Variants in TNRC6B observed in about 807,000 individuals in gnomAD.
TNRC6B encodes trinucleotide repeat containing adaptor 6B, also known as trinucleotide repeat-containing gene 6B protein.
TNRC6B carries 52 observed loss-of-function variants against 203.6 expected under a neutral mutation model. That is an observed-to-expected ratio of 0.26 (90% CI 0.20 to 0.32). The LOEUF (loss-of-function observed/expected upper bound fraction) is 0.32. Among genes scored for constraint, TNRC6B ranks in the 10% least tolerant of loss-of-function variants. The pLI is 1.00. For missense variants in TNRC6B, 1,923 were observed against 2,286.2 expected (o/e 0.84, Z 3.24); for synonymous variants, 838 against 845.7 (o/e 0.99, Z 0.16).
chr22:40,064,517 A>G (rs1392584708), intron 1 of TNRC6B, among the ~76,000 whole-genome samples: 1 of 147,322 alleles, frequency 6.8e-6, no homozygotes, highest in Non-Finnish European at 1.5e-5. Context: ...AGTTTTTGTT[A>G]TTTATTCTAC....
chr22:40,275,181 T>C (rs1601480505), intron 7 of TNRC6B, among the ~76,000 whole-genome samples: 1 of 152,376 alleles, frequency 6.6e-6, no homozygotes, highest in South Asian at 2.1e-4. Flanking sequence ...TTACGGGTTT[T>C]CTTCTATTAA....
rs34190410 is a variant in TNRC6B, at chr22:40,074,069, C to CA, written c.-121+29087dup. ...AGGCAATGAGAGTGAAACTCCATCT[C>CA]AAAAAAAAAAAAAAAAGCCAGATGT... On this transcript the variant is annotated intron_variant, in intron 1 of 23. Transcript: ENST00000301923. 8.1e-3 allele frequency among the ~76,000 whole-genome samples: 769 copies of CA among 95,434 alleles called. 4 individuals are homozygous for CA. Among genetic ancestry groups the CA allele is most frequent in the East Asian group, 0.013 (31 of 2,382 alleles). The allele number at this position is 95,434 out of a possible 152,430, so 62.6% of individuals were successfully genotyped here. A position where few individuals can be genotyped will look rare whatever the true frequency, so the allele number is the denominator to read the frequency against.
In TNRC6B at chr22:40,302,430, C is replaced by G. The variant is rs557784725; in HGVS notation, c.4120+1097C>G. ...CAGGCAGATCACGAGGTCAGGAGAT[C>G]GAGACCAGCCTGGCCAATGTAGTGA... On this transcript the variant is annotated intron_variant, in intron 15 of 22. Coordinates refer to ENST00000454349, the MANE Select transcript of TNRC6B (RefSeq NM_001162501.2). Among the ~76,000 whole-genome samples the G allele has an allele frequency of 3.9e-5, 6 of 152,146 alleles. No homozygotes were observed. The South Asian group carries it at 1.0e-3, about 26-fold the overall frequency.
At chr22:40,050,047 T>G (rs1029285758) in intron 1 of TNRC6B, among the ~76,000 whole-genome samples, 1 of 152,190 alleles carries the variant, frequency 6.6e-6, no homozygotes, top group Non-Finnish European at 1.5e-5. Context: ...TTTTCAGTGG[T>G]GCCATCATCC....
rs868684323 is a variant in TNRC6B, at chr22:40,075,167, T to A, written c.-121+30169T>A. Among the ~76,000 whole-genome samples the A allele has an allele frequency of 2.7e-3, 366 of 135,328 alleles. 2 individuals are homozygous for A. The highest frequency in any genetic ancestry group is 7.2e-3 in the African/African-American group (257 of 35,674). 88.8% of individuals were successfully genotyped at this position (135,328 alleles called of 152,430 possible). A position where few individuals can be genotyped will look rare whatever the true frequency, so the allele number is the denominator to read the frequency against. Reference sequence around the variant, plus strand: ...ATATATATATATATATTTTTTTTTTTTTTTTTTTTTTTCTTACTGATTTTC... The same window carrying A: ...ATATATATATATATATTTTTTTTTTATTTTTTTTTTTTCTTACTGATTTTC... On this transcript the variant is annotated intron_variant, in intron 1 of 23. Coordinates refer to the TNRC6B transcript ENST00000301923.
chr22:40,132,969 A>AAAAAAAATATATATATATATATAT (rs1282694632), intron 3 of TNRC6B, among the ~76,000 whole-genome samples: 1 of 78,172 alleles, frequency 1.3e-5, no homozygotes, highest in Non-Finnish European at 2.6e-5. Context: ...AAAAAAAAAA[A>AAAAAAAATATATATATATATATAT]ATATATATAT....
At chr22:40,107,056 C>T in intron 1 of TNRC6B, 1 of 850,304 alleles carries the variant, frequency 1.2e-6, no homozygotes, top group East Asian at 2.4e-5. Context: ...TTCTTTTCTA[C>T]ACCCTCCGTG....
At chr22:40,203,576 T>A (rs1307532713) in intron 1 of TNRC6B, among the ~76,000 whole-genome samples, 1 of 152,154 alleles carries the variant, frequency 6.6e-6, no homozygotes, top group Non-Finnish European at 1.5e-5. Context: ...CTTTGATAGA[T>A]ACCACTTATG....
intron 1 of TNRC6B, among the ~76,000 whole-genome samples, chr22:40,193,209 G>A (rs952867352): frequency 1.3e-5 from 2 of 152,114 alleles, no homozygotes; most frequent in Admixed American, 1.3e-4. Flanking sequence ...AAGGGTTTTT[G>A]GGTCTCTCCC....
intron 1 of TNRC6B, among the ~76,000 whole-genome samples, chr22:40,221,210 T>C (rs949968435): frequency 6.6e-6 from 1 of 152,200 alleles, no homozygotes; most frequent in East Asian, 1.9e-4. Flanking sequence ...GTTTCTTTTT[T>C]GTCAGGACAA....
intron 17 of TNRC6B, 93 bp from the exon 18 acceptor site, chr22:40,312,412 C>CCCAT (rs1178426515): frequency 7.9e-7 from 1 of 1,270,310 alleles, no homozygotes; most frequent in East Asian, 2.5e-5. Context: ...AGTATTTATA[C>CCCAT]TTTTCACAGA....
chr22:40,055,635 G>T (rs533729519), intron 1 of TNRC6B, among the ~76,000 whole-genome samples: 111 of 152,264 alleles, frequency 7.3e-4, no homozygotes, highest in South Asian at 1.2e-3. Context: ...AAACCACAAC[G>T]GCACTTGTCA....
chr22:40,076,134 A>G (rs1601800933), intron 1 of TNRC6B, among the ~76,000 whole-genome samples: 1 of 152,172 alleles, frequency 6.6e-6, no homozygotes, highest in Non-Finnish European at 1.5e-5. Flanking sequence ...GATTTCTTCT[A>G]GGCTGTGCAC....
At chr22:40,089,986 G>T (rs147774326) in intron 1 of TNRC6B, among the ~76,000 whole-genome samples, 5 of 152,136 alleles carry the variant, frequency 3.3e-5, no homozygotes, top group African/African-American at 1.2e-4. Flanking sequence ...GTATTTTAGG[G>T]TTTTTTCACA....
At position 40,143,200 on chromosome 22, in the gene TNRC6B, C is replaced by T. The variant is rs187413986; in HGVS notation, c.46-12915C>T. ...ATCCCAGCATTTTGGGAGGCCGGGG[C>T]GGGAGAATCACTTGAGGCCAGGAGT... On this transcript the variant is annotated intron_variant, in intron 3 of 23. Coordinates refer to the TNRC6B transcript ENST00000301923. Among the ~76,000 whole-genome samples, 295 of 152,138 alleles carry T rather than the reference C, an allele frequency of 1.9e-3. 1 individual carries two copies. Among genetic ancestry groups the T allele is most frequent in the Non-Finnish European group, 3.1e-3 (213 of 68,008 alleles).
intron 3 of TNRC6B, among the ~76,000 whole-genome samples, chr22:40,131,975 A>T (rs923583590): frequency 6.6e-6 from 1 of 152,238 alleles, no homozygotes; most frequent in African/African-American, 2.4e-5. Flanking sequence ...TGTATGTGAG[A>T]GATAAAATTG....
In TNRC6B at chr22:40,251,193, A is replaced by C. The variant is rs772968885; in HGVS notation, c.108A>C (p.Lys36Asn). ...KEATQKVTEQKTKVPEVTKPS... is the reference protein window; with the variant it reads ...KEATQKVTEQNTKVPEVTKPS... ...TTATTTTGCAGGTCACGGAACAAAAAACCAAAGGTAAGATCTTTTTTTTCT... is the reference window on the plus strand; with the variant it reads ...TTATTTTGCAGGTCACGGAACAAAACACCAAAGGTAAGATCTTTTTTTTCT... Residue 36 changes from lysine (K) to asparagine (N), a missense_variant, in exon 3 of 23, where the codon AAA (lysine) becomes AAC (asparagine). Coordinates refer to ENST00000454349, the MANE Select transcript of TNRC6B (RefSeq NM_001162501.2). 3.8e-4 allele frequency: 588 copies of C among 1,535,714 alleles called. No homozygotes were observed. Among genetic ancestry groups the C allele is most frequent in the Non-Finnish European group, 4.7e-4 (533 of 1,138,542 alleles).
intron 1 of TNRC6B, among the ~76,000 whole-genome samples, chr22:40,069,199 T>G (rs553413826): frequency 6.6e-6 from 1 of 152,162 alleles, no homozygotes; most frequent in East Asian, 1.9e-4. Context: ...ATTCGTGGGC[T>G]CAAGCAGCCC....
intron 1 of TNRC6B, among the ~76,000 whole-genome samples, chr22:40,216,638 G>A (rs746839617): frequency 6.6e-6 from 1 of 151,968 alleles, no homozygotes; most frequent in South Asian, 2.1e-4. Flanking sequence ...AAACAAAAAC[G>A]CAACACCTCT....
Sources: gnomAD v4.1 joint callset for allele counts (sites outside exome capture counted in the v4.1 genomes callset) on GRCh38, gnomAD v4.1.1 for gene constraint, MANE v1.5 for transcripts, NCBI Gene and HGNC (gene_info 2026-07-23, HGNC 2026-07-21) for gene names.